ALDH3A1: variants seen among roughly 807,000 people sequenced by gnomAD.
ALDH3A1 encodes aldehyde dehydrogenase 3 family member A1.
Under a neutral mutation model 49.9 loss-of-function variants are expected in ALDH3A1, and 46 were observed. That is an observed-to-expected ratio of 0.92 (90% confidence interval 0.73 to 1.18). The LOEUF is 1.18. ALDH3A1 is among the 50% of genes most tolerant of loss of function. The probability of loss-of-function intolerance (pLI) is 0.00; values close to 1 mark genes in which losing one functional copy is unlikely to be tolerated. For missense variants in ALDH3A1, 592 were observed against 611.8 expected (o/e 0.97, Z 0.34); for synonymous variants, 269 against 253.3 (o/e 1.06, Z -0.59).
intron 7 of ALDH3A1, 50 bp downstream of exon 7, chr17:19,740,286 G>A (rs1435542246): frequency 1.3e-6 from 2 of 1,597,510 alleles, no homozygotes; most frequent in African/African-American, 2.7e-5. Context: ...AACTTGCTGG[G>A]GACCCCTGCA....
intron 6 of ALDH3A1, among the ~76,000 whole-genome samples, 165 bp from the exon 7 acceptor site, chr17:19,740,642 T>A (rs1055197807): frequency 1.3e-5 from 2 of 151,978 alleles, no homozygotes; most frequent in African/African-American, 4.8e-5. Flanking sequence ...CTATAGTGAG[T>A]GTGCATTATC....
chr17:19,741,084 A>C lies in ALDH3A1; in HGVS notation c.807+9T>G. On this transcript the variant is annotated intron_variant, in intron 6 of 10. Transcript: ENST00000225740. ...TCTCATCCCACCCTGCCAAGGGGTC[A>C]ACACTCACTTTCAGTGACTTCTTGA... 1 of 1,610,788 alleles carries C rather than the reference A, an allele frequency of 6.2e-7. No homozygotes were observed. Among genetic ancestry groups the C allele is most frequent in the South Asian group, 1.1e-5 (1 of 90,984 alleles).
intron 4 of ALDH3A1, 114 bp from the exon 5 acceptor site, chr17:19,742,326 C>A: frequency 1.6e-6 from 2 of 1,256,488 alleles, no homozygotes; most frequent in Non-Finnish European, 2.2e-6. Context: ...CAGCACCCCA[C>A]CTTGGGCGGG....
chr17:19,746,669 GTGT>G, intron 1 of ALDH3A1, among the ~76,000 whole-genome samples: 1 of 147,024 alleles, frequency 6.8e-6, no homozygotes, highest in South Asian at 2.1e-4. Flanking sequence ...GTGTGTGTGC[GTGT>G]GTGTGCATGT....
chr17:19,743,372 T>C lies in ALDH3A1; in HGVS notation c.254A>G (p.Glu85Gly), dbSNP rs1389549577. The C allele has an allele frequency of 6.2e-7, 1 of 1,614,142 alleles. No individual in the cohort carries two copies. Among genetic ancestry groups the C allele is most frequent in the African/African-American group, 1.3e-5 (1 of 75,038 alleles). ...IQKLPEWAAD[E>G]PVEKTPQTQQ... ...AGTCTGGGGCGTCTTCTCCACGGGCTCATCCGCGGCCCACTCAGGGAGCTT... is the reference window on the plus strand; with the variant it reads ...AGTCTGGGGCGTCTTCTCCACGGGCCCATCCGCGGCCCACTCAGGGAGCTT... The change falls in exon 3 of 11, where the codon GAG becomes GGG. Residue 85 changes from glutamate (E) to glycine (G), a missense_variant. Physicochemically the swap from Glu to Gly is moderately conservative, Grantham distance 98. Transcript: ENST00000225740. The surrounding 1 kb of genome is among the most constrained non-coding windows in gnomAD (Gnocchi z 4.4).
intron 2 of ALDH3A1, 121 bp downstream of exon 2, chr17:19,744,847 G>A: frequency 7.4e-7 from 1 of 1,355,978 alleles, no homozygotes; most frequent in South Asian, 1.6e-5. Context: ...CCGCGACCGA[G>A]GGGCCAGGTG....
Position 19,738,105 on chromosome 17 carries a change from G to C in ALDH3A1, c.*116C>G. The C allele has an allele frequency of 6.3e-7, 1 of 1,596,692 alleles. No individual in the cohort carries two copies. The highest frequency in any genetic ancestry group is 1.1e-5 in the South Asian group (1 of 90,084). On this transcript the variant is annotated 3_prime_UTR_variant, in exon 11 of 11. Coordinates refer to ENST00000225740, the MANE Select transcript of ALDH3A1 (RefSeq NM_000691.5). ...TGCACAGGTCAGCAGGTCAGCAGAG[G>C]AGTGGGGCTGGGCTGGGGCTGCAGG...
intron 2 of ALDH3A1, chr17:19,744,419 T>TAAAATA: frequency 1.0e-6 from 1 of 983,084 alleles, no homozygotes; most frequent in Non-Finnish European, 1.2e-6. Context: ...ATAAATAAAA[T>TAAAATA]AAAATAAAAA....
chr17:19,746,046 C>T (rs1395272393), intron 1 of ALDH3A1, among the ~76,000 whole-genome samples: 1 of 152,160 alleles, frequency 6.6e-6, no homozygotes, highest in Non-Finnish European at 1.5e-5. Flanking sequence ...TTTGTAGGGG[C>T]TCTCTCTGCA....
At chr17:19,745,660 G>T (rs925789185) in intron 1 of ALDH3A1, 1 of 152,416 alleles carries the variant, frequency 6.6e-6, no homozygotes, top group Admixed American at 6.5e-5. Context: ...TAAACCACGC[G>T]TGCCACACCT....
intron 8 of ALDH3A1, 140 bp downstream of exon 8, chr17:19,739,368 A>G: frequency 9.4e-7 from 1 of 1,063,200 alleles, no homozygotes; most frequent in Non-Finnish European, 1.3e-6. Flanking sequence ...TCCTGATCTT[A>G]CAGACGAGGT....
chr17:19,742,283 G>A (rs1359434037), intron 4 of ALDH3A1, 71 bp from the exon 5 acceptor site: 1 of 1,518,554 alleles, frequency 6.6e-7, no homozygotes, highest in Non-Finnish European at 9.1e-7. Context: ...GTGTGGGTGA[G>A]TTGCAGTGGC....
chr17:19,745,790 C>G (rs1174350043), intron 1 of ALDH3A1: 1 of 152,208 alleles, frequency 6.6e-6, no homozygotes, highest in Non-Finnish European at 1.5e-5. Context: ...GATGGCCCTG[C>G]TGGGGGCAAT....
At chr17:19,739,722 C>A (rs776102082) in intron 7 of ALDH3A1, 48 bp from the exon 8 acceptor site, 1 of 1,597,436 alleles carries the variant, frequency 6.3e-7, no homozygotes. Context: ...GACCCCCACG[C>A]GGATGGAAAG....
At chr17:19,744,827 C>A (rs984428538) in intron 2 of ALDH3A1, 141 bp downstream of exon 2, 45 of 1,348,548 alleles carry the variant, frequency 3.3e-5, no homozygotes, top group Non-Finnish European at 4.1e-5. Flanking sequence ...GAGGGCGGTG[C>A]GCCCAGTCTC....
At position 19,742,133 on chromosome 17, in the gene ALDH3A1, G is replaced by C. The variant is rs771902173; in HGVS notation, c.560C>G (p.Thr187Arg). The C allele has an allele frequency of 3.1e-6, 5 of 1,613,936 alleles. No homozygotes were observed. Among genetic ancestry groups the C allele is most frequent in the Non-Finnish European group, 3.4e-6 (4 of 1,180,028 alleles). The change falls in exon 5 of 11, where the codon ACG becomes AGG. Residue 187 changes from threonine (T) to arginine (R), a missense_variant. Coordinates refer to ENST00000225740, the MANE Select transcript of ALDH3A1 (RefSeq NM_000691.5). ...GATCTTCCCCACCCCCGTGCTGCCC[G>C]TGTACAGGATATGGTCGAACCTCTC... ...LKERFDHILY[T>R]GSTGVGKIIM...
Position 19,743,733 on chromosome 17 carries a change from CG to C in ALDH3A1, c.163-271del. 1 of 978,786 alleles carries C rather than the reference CG, an allele frequency of 1.0e-6. No homozygotes were observed. Among genetic ancestry groups the C allele is most frequent in the Non-Finnish European group, 1.2e-6 (1 of 829,172 alleles). The allele number at this position is 978,786 out of a possible 1,614,324, so 60.6% of individuals were successfully genotyped here. ...CGGTGAAGGGACCAGGCATGGGCAA[CG>C]GAATGGATCCAGGTAGGGGGAATAG... On this transcript the variant is annotated intron_variant, in intron 2 of 10. Transcript: ENST00000225740. This position sits in a 1 kb window ranked among gnomAD's most constrained non-coding sequence, Gnocchi z 4.4.
intron 4 of ALDH3A1, 102 bp from the exon 5 acceptor site, chr17:19,742,314 C>A: frequency 7.6e-7 from 1 of 1,317,876 alleles, no homozygotes. Context: ...AGCCCCGAAG[C>A]TCAGCACCCC....
chr17:19,743,032 G>A lies in ALDH3A1; in HGVS notation c.394+200C>T. ...AAGGCAGGCCCTCTCTGTATCACCA[G>A]GTGTGGACACCTGAGCCTGACTGGA... On this transcript the variant is annotated intron_variant, in intron 3 of 10. Coordinates refer to ENST00000225740, the MANE Select transcript of ALDH3A1 (RefSeq NM_000691.5). The surrounding 1 kb of genome is among the most constrained non-coding windows in gnomAD (Gnocchi z 4.4). The A allele has an allele frequency of 6.5e-7, 1 of 1,532,982 alleles. No homozygotes were observed. Among genetic ancestry groups the A allele is most frequent in the Non-Finnish European group, 8.7e-7 (1 of 1,145,662 alleles). 95.0% of individuals were successfully genotyped at this position (1,532,982 alleles called of 1,614,324 possible). A position where few individuals can be genotyped will look rare whatever the true frequency, so the allele number is the denominator to read the frequency against.
Sources: allele counts gnomAD v4.1 joint callset (sites outside exome capture counted in the v4.1 genomes callset), GRCh38; gene constraint gnomAD v4.1.1; non-coding constraint Gnocchi (gnomAD v3.1); transcripts MANE v1.5; gene names NCBI Gene and HGNC (gene_info 2026-07-23, HGNC 2026-07-21).